CCDC77: variants seen among roughly 807,000 people sequenced by gnomAD.
CCDC77 encodes coiled-coil domain containing 77, also known as coiled-coil domain-containing protein 77.
Under a neutral mutation model 66.8 loss-of-function variants are expected in CCDC77, and 56 were observed. The ratio of observed to expected loss-of-function variants is 0.84; its 90% CI spans 0.68 to 1.05. The LOEUF (loss-of-function observed/expected upper bound fraction) is 1.05, where lower values mean the gene tolerates loss of function less well. Among genes scored for constraint, CCDC77 ranks in the 50% least tolerant of loss-of-function variants. CCDC77 has a pLI of 0.00. For synonymous variants in CCDC77, 196 were observed against 195.2 expected (o/e 1.00, Z -0.03); for missense variants, 570 against 576.8 (o/e 0.99, Z 0.12).
In CCDC77 at chr12:405,904, A is replaced by G. The variant is rs117894552; in HGVS notation, c.-17+340A>G. 3.0e-3 allele frequency among the ~76,000 whole-genome samples: 443 copies of G among 145,540 alleles called. 12 individuals carry two copies. In the East Asian group the frequency reaches 0.068, roughly 22 times the overall value. On this transcript the variant is annotated intron_variant, in intron 2 of 12. Coordinates refer to ENST00000239830, the MANE Select transcript of CCDC77 (RefSeq NM_032358.4). ...GACAGACATTAAATATTAGATGGTT[A>G]TAAGTGTTCAACTTTTTTTTTTTTT...
chr12:427,456 TG>T (rs1181085290), intron 5 of CCDC77, among the ~76,000 whole-genome samples: 4 of 150,206 alleles, frequency 2.7e-5, no homozygotes, highest in Non-Finnish European at 5.9e-5. Context: ...CTTTTTATGT[TG>T]TTTTTTTTAA....
At chr12:404,508 C>T (rs1302855393) in intron 1 of CCDC77, among the ~76,000 whole-genome samples, 1 of 152,064 alleles carries the variant, frequency 6.6e-6, no homozygotes, top group Non-Finnish European at 1.5e-5. Flanking sequence ...TGGCTCATGC[C>T]TGTAATCTCA....
chr12:396,304 A>T (rs113517665), intron 1 of CCDC77, among the ~76,000 whole-genome samples: 10 of 152,308 alleles, frequency 6.6e-5, no homozygotes, highest in African/African-American at 2.4e-4. Context: ...AGCCCAGAGA[A>T]TCGCTTGAAC....
chr12:390,023 G>C (rs1944725514), intron 1 of CCDC77: 1 of 148,852 alleles, frequency 6.7e-6, no homozygotes, highest in African/African-American at 2.5e-5. Context: ...CTACCTGCAG[G>C]ACATCTCACT....
At chr12:440,593 GT>G in intron 10 of CCDC77, 23 bp from the exon 11 acceptor site, 1 of 1,612,288 alleles carries the variant, frequency 6.2e-7, no homozygotes, top group Non-Finnish European at 8.5e-7. Flanking sequence ...GAGTGTTAAT[GT>G]TTTTTGTCCC....
chr12:409,724 G>T (rs758344093), intron 3 of CCDC77: 10 of 259,536 alleles, frequency 3.9e-5, no homozygotes, highest in Non-Finnish European at 5.2e-5. Flanking sequence ...GGCCGGGCAC[G>T]GTGGCTCACT....
intron 5 of CCDC77, among the ~76,000 whole-genome samples, chr12:428,510 CAAAAAAAAAAAAAA>C (rs59414510): frequency 1.7e-5 from 1 of 57,854 alleles, no homozygotes; most frequent in South Asian, 9.8e-4. Context: ...GACTCTGTCT[CAAAAAAAAAAAAAA>C]AAAAAAAAAA....
chr12:433,496 G>C lies in CCDC77; in HGVS notation c.821+174G>C. The C allele has an allele frequency of 6.4e-6, 9 of 1,397,538 alleles. No homozygotes were observed. The South Asian group carries it at 1.4e-4, about 21-fold the overall frequency. The allele number at this position is 1,397,538 out of a possible 1,614,324, so 86.6% of individuals were successfully genotyped here. Reference sequence around the variant, plus strand: ...AGGTGAGTACCTCGCTTTTCCAGGCGTGCTGTTGAAGAGCTGATGAGTATT... The same window carrying C: ...AGGTGAGTACCTCGCTTTTCCAGGCCTGCTGTTGAAGAGCTGATGAGTATT... On this transcript the variant is annotated intron_variant, in intron 9 of 12. Transcript: ENST00000239830.
intron 5 of CCDC77, among the ~76,000 whole-genome samples, chr12:423,503 T>G (rs1468764183): frequency 9.1e-6 from 1 of 109,622 alleles, no homozygotes; most frequent in Non-Finnish European, 1.8e-5. Context: ...TGTTTTTTTT[T>G]TTTTTTTTTT....
At chr12:418,391 T>G (rs1945326219) in intron 4 of CCDC77, 103 bp from the exon 5 acceptor site, 2 of 1,152,652 alleles carry the variant, frequency 1.7e-6, no homozygotes, top group Non-Finnish European at 2.5e-6. Context: ...CAAAATTATT[T>G]ACTTTGGAAT....
At chr12:431,066 C>CAAAAA (rs372949107) in intron 7 of CCDC77, among the ~76,000 whole-genome samples, 1 of 105,588 alleles carries the variant, frequency 9.5e-6, no homozygotes, top group African/African-American at 3.7e-5. Context: ...AGACTATCTC[C>CAAAAA]AAAAAAAAAA....
chr12:415,299 C>CATAATTATT (rs1565567788), intron 4 of CCDC77, among the ~76,000 whole-genome samples: 1 of 109,828 alleles, frequency 9.1e-6, no homozygotes, highest in Admixed American at 1.0e-4. Flanking sequence ...TTAATATAAT[C>CATAATTATT]AACATAATAT....
chr12:416,849 T>C (rs1945295824), intron 4 of CCDC77, among the ~76,000 whole-genome samples: 1 of 151,480 alleles, frequency 6.6e-6, no homozygotes, highest in Admixed American at 6.6e-5. Context: ...GGCTCGTGCC[T>C]GTAATCCCAG....
intron 6 of CCDC77, 135 bp downstream of exon 6, chr12:429,000 G>A: frequency 1.8e-6 from 1 of 551,234 alleles, no homozygotes. Flanking sequence ...GTTTGCCTGA[G>A]TTTTTAAAGC....
intron 5 of CCDC77, among the ~76,000 whole-genome samples, chr12:427,568 G>A (rs1034417141): frequency 6.7e-6 from 1 of 150,148 alleles, no homozygotes; most frequent in Admixed American, 6.7e-5. Flanking sequence ...TCCACCTCCC[G>A]GGTTCAAGTG....
At chr12:432,109 A>C (rs1442448147) in intron 8 of CCDC77, among the ~76,000 whole-genome samples, 155 bp downstream of exon 8, 1 of 152,214 alleles carries the variant, frequency 6.6e-6, no homozygotes, top group Non-Finnish European at 1.5e-5. Context: ...CCTAATTTCT[A>C]AGAGCTTATA....
intron 1 of CCDC77, among the ~76,000 whole-genome samples, chr12:392,761 T>C (rs1332957341): frequency 6.6e-6 from 1 of 151,810 alleles, no homozygotes; most frequent in Admixed American, 6.6e-5. Flanking sequence ...AAAAAAATTA[T>C]TGAGAACCCC....
intron 1 of CCDC77, among the ~76,000 whole-genome samples, chr12:394,767 A>C (rs1651475562): frequency 6.6e-6 from 1 of 152,184 alleles, no homozygotes; most frequent in African/African-American, 2.4e-5. Context: ...TTAGATATAG[A>C]ATGGAAGAAA....
At chr12:434,353 CTTTTTTT>C (rs537288173) in intron 9 of CCDC77, among the ~76,000 whole-genome samples, 3 of 137,290 alleles carry the variant, frequency 2.2e-5, no homozygotes, top group African/African-American at 8.1e-5. Context: ...ACTTTTCTTT[CTTTTTTT>C]TTTTTTTTTG....
Sources: allele counts gnomAD v4.1 joint callset (sites outside exome capture counted in the v4.1 genomes callset), GRCh38; gene constraint gnomAD v4.1.1; transcripts MANE v1.5; gene names NCBI Gene and HGNC (gene_info 2026-07-23, HGNC 2026-07-21).